CACNA1D: variants seen among roughly 807,000 people sequenced by gnomAD.
CACNA1D encodes calcium voltage-gated channel subunit alpha1 D.
In CACNA1D, 55 loss-of-function variants were observed where a neutral mutation model predicts 257.1. The observed-to-expected ratio is 0.21, with a 90% CI of 0.17 to 0.27. The LOEUF is 0.27. Among genes scored for constraint, CACNA1D ranks in the 10% least tolerant of loss-of-function variants. The pLI, the probability that CACNA1D is intolerant of heterozygous loss-of-function variation, is 1.00. For missense variants in CACNA1D, 1,876 were observed against 2,784.0 expected, an observed-to-expected ratio of 0.67 and a Z score of 7.34; for synonymous variants, 980 against 1,014.9, an observed-to-expected ratio of 0.97 and a Z score of 0.65.
intron 3 of CACNA1D, among the ~76,000 whole-genome samples, chr3:53,593,896 G>A (rs2093339329): frequency 6.6e-6 from 1 of 152,224 alleles, no homozygotes; most frequent in African/African-American, 2.4e-5. Context: ...GTCCCAGCCA[G>A]CTCTGCAGGA....
chr3:53,789,615 A>G lies in CACNA1D; in HGVS notation c.4923+2663A>G, dbSNP rs1046059431. On this transcript the variant is annotated intron_variant, in intron 40 of 47. Transcript: ENST00000350061. This position sits in a 1 kb window ranked among gnomAD's most constrained non-coding sequence, Gnocchi z 4.2. ...TGGGCGTGGCCTGTTGAGATGGAGG[A>G]TGGCTTGCCTCCTCCCACAGCAGGG... Among the ~76,000 whole-genome samples the G allele has an allele frequency of 1.3e-5, 2 of 152,214 alleles. No individual in the cohort carries two copies. Among genetic ancestry groups the G allele is most frequent in the Non-Finnish European group, 1.5e-5 (1 of 68,034 alleles).
chr3:53,501,492 A>G, intron 2 of CACNA1D, 123 bp from the exon 3 acceptor site: 1 of 667,262 alleles, frequency 1.5e-6, no homozygotes, highest in Admixed American at 2.1e-5. Context: ...CAGTCAGCCG[A>G]AATAGGATTT....
chr3:53,664,926 G>T (rs76823338), intron 5 of CACNA1D, among the ~76,000 whole-genome samples: 6 of 152,144 alleles, frequency 3.9e-5, no homozygotes, highest in Non-Finnish European at 7.3e-5. Context: ...AGTTGTTGTC[G>T]GTCAGCAGCT....
chr3:53,731,111 C>G lies in CACNA1D; in HGVS notation c.2371C>G (p.Pro791Ala). 1.2e-6 allele frequency: 2 copies of G among 1,611,706 alleles called. No individual in the cohort carries two copies. Among genetic ancestry groups the G allele is most frequent in the Non-Finnish European group, 8.5e-7 (1 of 1,177,830 alleles). ...ESLENKKNNK[P>A]EVNQIANSDN... ...CCTAGAAAATAAAAAGAACAACAAA[C>G]CAGAAGTCAACCAGATAGCCAACAG... Residue 791 changes from proline to alanine, a missense_variant, in exon 17 of 48, where the codon CCA becomes GCA. By Grantham distance (27) the Pro-to-Ala change is conservative. Transcript: ENST00000350061.
At chr3:53,663,072 G>A (rs1028194310) in intron 5 of CACNA1D, among the ~76,000 whole-genome samples, 1 of 152,156 alleles carries the variant, frequency 6.6e-6, no homozygotes, top group Non-Finnish European at 1.5e-5. Flanking sequence ...CAAAGATGTA[G>A]CACCCAGAGT....
intron 8 of CACNA1D, among the ~76,000 whole-genome samples, chr3:53,675,900 G>T (rs1183447827): frequency 6.6e-6 from 1 of 152,178 alleles, no homozygotes; most frequent in Non-Finnish European, 1.5e-5. Context: ...ACCCCTAGAG[G>T]CTGCACATGA....
chr3:53,626,343 C>T (rs2093758243), intron 3 of CACNA1D, among the ~76,000 whole-genome samples: 1 of 152,174 alleles, frequency 6.6e-6, no homozygotes, highest in South Asian at 2.1e-4. Context: ...AAGTTTTGCC[C>T]CCAAAGCTAG....
chr3:53,670,563 C>T (rs1458590217), intron 7 of CACNA1D, among the ~76,000 whole-genome samples: 2 of 152,060 alleles, frequency 1.3e-5, no homozygotes, highest in African/African-American at 4.8e-5. Context: ...AGGCTGGTCT[C>T]GAACTCCCAA....
At chr3:53,720,391 C>T (rs2633723) in intron 11 of CACNA1D, among the ~76,000 whole-genome samples, 89,436 of 152,050 alleles carry the variant, frequency 0.59, 27,475 homozygotes, top group East Asian at 0.9. Context: ...AGTATACTTT[C>T]TGTAACAGAA....
Position 53,751,738 on chromosome 3 carries a change from T to C in CACNA1D, c.3517-11T>C. On this transcript the variant is annotated splice_polypyrimidine_tract_variant and intron_variant, in intron 27 of 47. Coordinates refer to ENST00000350061, the MANE Select transcript of CACNA1D (RefSeq NM_001128840.3). This position sits in a 1 kb window ranked among gnomAD's most constrained non-coding sequence, Gnocchi z 4.3. ...TCAGAACCCCGTTTCTGCCCTTTTC[T>C]GCTGTTGCAGCGTCAGTGTGTTGAA... is the stretch of plus-strand genomic sequence containing the variant. 1.2e-5 allele frequency: 19 copies of C among 1,614,222 alleles called. No homozygotes were observed. Among genetic ancestry groups the C allele is most frequent in the Non-Finnish European group, 1.6e-5 (19 of 1,180,018 alleles).
intron 8 of CACNA1D, among the ~76,000 whole-genome samples, chr3:53,678,383 C>G (rs1439627504): frequency 6.6e-6 from 1 of 152,102 alleles, no homozygotes; most frequent in Non-Finnish European, 1.5e-5. Flanking sequence ...GTAAACCCAG[C>G]CCAGGTCTAT....
intron 8 of CACNA1D, among the ~76,000 whole-genome samples, chr3:53,693,961 C>A (rs1160347640): frequency 6.6e-6 from 1 of 152,218 alleles, no homozygotes; most frequent in African/African-American, 2.4e-5. Context: ...AAGATGACTT[C>A]CAGTGGCCCA....
chr3:53,501,273 C>T (rs1456195012), intron 2 of CACNA1D, among the ~76,000 whole-genome samples: 1 of 152,200 alleles, frequency 6.6e-6, no homozygotes, highest in African/African-American at 2.4e-5. Context: ...GCTCTTGTCA[C>T]TTTTAAACCT....
intron 3 of CACNA1D, among the ~76,000 whole-genome samples, chr3:53,545,168 CT>C (rs1157159612): frequency 2.0e-5 from 3 of 152,308 alleles, no homozygotes; most frequent in East Asian, 3.9e-4. Flanking sequence ...TCTAAATGAT[CT>C]TTCAAATTCT....
chr3:53,515,502 A>G (rs1021454018), intron 3 of CACNA1D, among the ~76,000 whole-genome samples: 1 of 152,186 alleles, frequency 6.6e-6, no homozygotes, highest in Admixed American at 6.5e-5. Context: ...TATTTGACAC[A>G]CCAGGCAGCC....
intron 10 of CACNA1D, 91 bp from the exon 11 acceptor site, chr3:53,719,664 A>G (rs1559566227): frequency 1.7e-6 from 2 of 1,191,870 alleles, no homozygotes; most frequent in Admixed American, 3.4e-5. Context: ...GGCTGTATGC[A>G]TGGCTTTTAT....
At position 53,770,510 on chromosome 3, in the gene CACNA1D, A is replaced by G. The variant is rs753863835; in HGVS notation, c.4002A>G (p.Glu1334=). ...TGGTGAAGCTTCTCAGCAGGGGGGA[A>G]GGCATCCGGACATTGCTGTGGACTT... ...MRLVKLLSRG[E]GIRTLLWTFI... is the part of the protein sequence containing the mutation. Residue 1334 remains glutamate, a synonymous_variant, in exon 32 of 48, where the codon GAA becomes GAG. Transcript: ENST00000350061. The G allele has an allele frequency of 2.1e-5, 34 of 1,613,674 alleles. No homozygotes were observed. The Admixed American group carries it at 3.7e-4, about 17-fold the overall frequency.
chr3:53,539,344 G>A (rs1290455069), intron 3 of CACNA1D, among the ~76,000 whole-genome samples: 2 of 151,952 alleles, frequency 1.3e-5, no homozygotes, highest in South Asian at 2.1e-4. Flanking sequence ...TCCTGACCTC[G>A]TGATCTGCCC....
In CACNA1D at chr3:53,800,021, G is replaced by A. The variant is rs891030609; in HGVS notation, c.4924-228G>A. On this transcript the variant is annotated intron_variant, in intron 40 of 47. Transcript: ENST00000350061. This position sits in a 1 kb window ranked among gnomAD's most constrained non-coding sequence, Gnocchi z 4.3. ...GTGGGGGTTTTGCAAAGGAGGTTAC[G>A]GGGTTGCAGGCCTCAGGCATCCTAC... 22 of 616,892 alleles carry A rather than the reference G, an allele frequency of 3.6e-5. No homozygotes were observed. The highest frequency in any genetic ancestry group is 5.2e-5 in the Non-Finnish European group (18 of 343,360). The allele number at this position is 616,892 out of a possible 1,614,324, so 38.2% of individuals were successfully genotyped here. A position where few individuals can be genotyped will look rare whatever the true frequency, so the allele number is the denominator to read the frequency against.
Sources: gnomAD v4.1 joint callset for allele counts (sites outside exome capture counted in the v4.1 genomes callset) on GRCh38, gnomAD v4.1.1 for gene constraint, Gnocchi (gnomAD v3.1) non-coding constraint, MANE v1.5 for transcripts, NCBI Gene and HGNC (gene_info 2026-07-23, HGNC 2026-07-21) for gene names.